The following PIK3C2B variants were observed in gnomAD, a reference collection of about 807,000 sequenced individuals.
PIK3C2B encodes the protein phosphatidylinositol-4-phosphate 3-kinase catalytic subunit type 2 beta.
Under a neutral mutation model 184.3 loss-of-function variants are expected in PIK3C2B, and 83 were observed. The ratio of observed to expected loss-of-function variants is 0.45; its 90% CI spans 0.38 to 0.54. The LOEUF (loss-of-function observed/expected upper bound fraction) is 0.54, where lower values mean the gene tolerates loss of function less well. Ranked by LOEUF, PIK3C2B falls within the 20% of genes least tolerant of loss-of-function variation. The probability of loss-of-function intolerance (pLI) is 0.00; values close to 1 mark genes in which losing one functional copy is unlikely to be tolerated. For synonymous variants in PIK3C2B, 779 were observed against 837.6 expected (o/e 0.93, Z 1.21); for missense variants, 1,736 against 2,113.5 (o/e 0.82, Z 3.50).
rs1039964446 is a variant in PIK3C2B at position 204,456,937 on chromosome 1, C to T, written c.1747+100G>A. 13 of 883,826 alleles carry T rather than the reference C, an allele frequency of 1.5e-5. No individual in the cohort carries two copies. In the South Asian group the frequency reaches 1.6e-4, roughly 11 times the overall value. The allele number at this position is 883,826 out of a possible 1,614,324, so 54.7% of individuals were successfully genotyped here. The stretch of plus-strand genomic sequence containing the variant: ...ACACACACACACACCAGCCGAACTC[C>T]GACACATAAATCAAGGGGCCCAGGC... On this transcript the variant is annotated intron_variant, in intron 10 of 32. Transcript: ENST00000684373.
chr1:204,432,156 C>A lies in PIK3C2B; in HGVS notation c.4155+44G>T, dbSNP rs542317711. ...AGTCAGGATCCCAGCAAGCCAGGGTCAGCAGAGAGCAGGAAAGGGGGTCAG... is the reference window on the plus strand; with the variant it reads ...AGTCAGGATCCCAGCAAGCCAGGGTAAGCAGAGAGCAGGAAAGGGGGTCAG... On this transcript the variant is annotated intron_variant, in intron 27 of 32. Coordinates refer to ENST00000684373, the MANE Select transcript of PIK3C2B (RefSeq NM_001377334.1). 6 of 1,557,410 alleles carry A rather than the reference C, an allele frequency of 3.9e-6. No individual in the cohort carries two copies. In the African/African-American group the frequency reaches 8.1e-5, roughly 21 times the overall value.
At chr1:204,473,212 A>C (rs575616233) in intron 1 of PIK3C2B, among the ~76,000 whole-genome samples, 2 of 152,354 alleles carry the variant, frequency 1.3e-5, no homozygotes, top group African/African-American at 4.8e-5. Flanking sequence ...ACCCTGGTAC[A>C]TCTGTCAGGT....
chr1:204,481,975 G>C (rs1020666539), intron 1 of PIK3C2B, among the ~76,000 whole-genome samples: 3 of 152,164 alleles, frequency 2.0e-5, no homozygotes, highest in African/African-American at 4.8e-5. Context: ...AGGGGTGTGA[G>C]AGGTCAAGGT....
At chr1:204,465,793 G>A (rs908151415) in intron 2 of PIK3C2B, among the ~76,000 whole-genome samples, 2 of 152,200 alleles carry the variant, frequency 1.3e-5, no homozygotes, top group African/African-American at 2.4e-5. Flanking sequence ...ATATCCACAA[G>A]CCCCATGGAC....
At chr1:204,435,012 A>T (rs1675267094) in intron 23 of PIK3C2B, among the ~76,000 whole-genome samples, 1 of 152,200 alleles carries the variant, frequency 6.6e-6, no homozygotes. Flanking sequence ...GATCTTAAGT[A>T]CAGCCACTGA....
chr1:204,451,846 C>T (rs764379484), intron 12 of PIK3C2B, among the ~76,000 whole-genome samples: 8 of 152,204 alleles, frequency 5.3e-5, no homozygotes, highest in Non-Finnish European at 1.2e-4. Flanking sequence ...AGAGGGCTCC[C>T]CAGCTAAGAA....
Position 204,469,809 on chromosome 1 carries a change from GA to G in PIK3C2B, c.-8del. On this transcript the variant is annotated 5_prime_UTR_variant, in exon 2 of 33. Coordinates refer to ENST00000684373, the MANE Select transcript of PIK3C2B (RefSeq NM_001377334.1). The stretch of plus-strand genomic sequence containing the variant: ...TGCCCTGAGTCGAAGACATGGTGAG[GA>G]TGGGGGACACAGGCAACAAAGTCTC... 1 of 1,602,034 alleles carries G rather than the reference GA, an allele frequency of 6.2e-7. No individual in the cohort carries two copies.
In PIK3C2B at chr1:204,469,713, C is replaced by T. The variant is rs1390321566; in HGVS notation, c.90G>A (p.Leu30=). 2 of 1,613,954 alleles carry T rather than the reference C, an allele frequency of 1.2e-6. No homozygotes were observed. The highest frequency in any genetic ancestry group is 1.3e-5 in the African/African-American group (1 of 74,902). ...SRKELAMAEA[L]QMEYDALSRL... is the part of the protein sequence containing the mutation. ...GGGACAGGGCATCATACTCCATCTG[C>T]AGGGCTTCGGCCATCGCTAGCTCTT... Residue 30 remains leucine, a synonymous_variant, in exon 2 of 33, where the codon CTG becomes CTA. Coordinates refer to ENST00000684373, the MANE Select transcript of PIK3C2B (RefSeq NM_001377334.1).
chr1:204,431,897 CAT>C, intron 27 of PIK3C2B, 104 bp from the exon 28 acceptor site: 3 of 1,311,392 alleles, frequency 2.3e-6, no homozygotes, highest in Non-Finnish European at 3.3e-6. Flanking sequence ...GGGAGGGGCA[CAT>C]TCCAGAAGGA....
At chr1:204,454,359 G>GT (rs1421669255) in intron 12 of PIK3C2B, among the ~76,000 whole-genome samples, 1 of 151,890 alleles carries the variant, frequency 6.6e-6, no homozygotes, top group Non-Finnish European at 1.5e-5. Context: ...GCGGGCGCCT[G>GT]TAGTCCCAGC....
rs370288133 is a variant in PIK3C2B, at chr1:204,463,985, G to A, written c.1310+27C>T. On this transcript the variant is annotated intron_variant, in intron 5 of 32. Transcript: ENST00000684373. ...TCACAATCTTACTACCAGGAAGGCA[G>A]GGGCTACCTCCCACCCATTCACTCA... is the stretch of plus-strand genomic sequence containing the variant. 13 of 1,611,014 alleles carry A rather than the reference G, an allele frequency of 8.1e-6. No homozygotes were observed. The African/African-American group carries it at 1.5e-4, about 18-fold the overall frequency.
chr1:204,437,574 G>A (rs1466918536), intron 23 of PIK3C2B, among the ~76,000 whole-genome samples: 1 of 152,156 alleles, frequency 6.6e-6, no homozygotes, highest in East Asian at 1.9e-4. Context: ...CATTCCAGTG[G>A]TTCAGGGGAC....
intron 22 of PIK3C2B, among the ~76,000 whole-genome samples, chr1:204,439,983 A>G (rs1465480104): frequency 3.3e-5 from 5 of 152,086 alleles, no homozygotes; most frequent in Non-Finnish European, 7.3e-5. Flanking sequence ...AGTCTACACA[A>G]TATGCTTGGC....
At position 204,424,872 on chromosome 1, in the gene PIK3C2B, G is replaced by T; in HGVS notation, c.4885C>A (p.Arg1629=). 1 of 1,614,076 alleles carries T rather than the reference G, an allele frequency of 6.2e-7. No individual in the cohort carries two copies. Among genetic ancestry groups the T allele is most frequent in the Non-Finnish European group, 8.5e-7 (1 of 1,179,998 alleles). The change falls in exon 33 of 33, where the codon CGA becomes AGA. Residue 1629 remains arginine (R), a synonymous_variant. Coordinates refer to ENST00000684373, the MANE Select transcript of PIK3C2B (RefSeq NM_001377334.1). ...TGGGCTCACAAGGTGCCATGACTTC[G>T]AGATCCCAGGGCGAACCAGCCGGTC... ...EKTGWFALGS[R]SHGTL is the part of the protein sequence containing the mutation.
At chr1:204,474,260 G>C (rs1400260896) in intron 1 of PIK3C2B, among the ~76,000 whole-genome samples, 1 of 151,900 alleles carries the variant, frequency 6.6e-6, no homozygotes, top group Non-Finnish European at 1.5e-5. Flanking sequence ...CAAAGTGCTG[G>C]GATTACAGGC....
chr1:204,454,549 G>A, intron 12 of PIK3C2B, 120 bp downstream of exon 12: 1 of 988,662 alleles, frequency 1.0e-6, no homozygotes. Context: ...GTCCAGTTAG[G>A]GTTAACAAGG....
At chr1:204,425,821 G>T in intron 31 of PIK3C2B, 80 bp from the exon 32 acceptor site, 1 of 1,338,260 alleles carries the variant, frequency 7.5e-7, no homozygotes, top group Non-Finnish European at 1.1e-6. Flanking sequence ...ATCACACTCT[G>T]ATCCAGACTC....
chr1:204,440,123 T>C, intron 22 of PIK3C2B, 69 bp downstream of exon 22: 2 of 1,486,198 alleles, frequency 1.3e-6, no homozygotes, highest in Non-Finnish European at 1.8e-6. Flanking sequence ...CAGTTTGTGT[T>C]GGCAATGGGC....
intron 5 of PIK3C2B, among the ~76,000 whole-genome samples, chr1:204,461,189 C>T (rs539009446): frequency 6.6e-6 from 1 of 152,332 alleles, no homozygotes; most frequent in Admixed American, 6.5e-5. Context: ...AGTGTCCCCA[C>T]CCAACTTCTT....
Sources: allele counts gnomAD v4.1 joint callset (sites outside exome capture counted in the v4.1 genomes callset), GRCh38; gene constraint gnomAD v4.1.1; transcripts MANE v1.5; gene names NCBI Gene and HGNC (gene_info 2026-07-23, HGNC 2026-07-21).